Variants in PTPRD observed in about 807,000 individuals in gnomAD.
PTPRD encodes protein tyrosine phosphatase receptor type D.
In PTPRD, 34 loss-of-function variants were observed where a neutral mutation model predicts 214.5. The ratio of observed to expected loss-of-function variants is 0.16; its 90% CI spans 0.12 to 0.21. The LOEUF (loss-of-function observed/expected upper bound fraction) is 0.21. Among genes scored for constraint, PTPRD ranks in the 10% least tolerant of loss-of-function variants. The probability of loss-of-function intolerance (pLI) is 1.00; values close to 1 mark genes in which losing one functional copy is unlikely to be tolerated. For synonymous variants in PTPRD, 1,128 were observed against 845.7 expected (o/e 1.33, Z -5.79); for missense variants, 2,545 against 2,398.7 (o/e 1.06, Z -1.27).
chr9:9,675,991 G>A (rs183726577), intron 7 of PTPRD, among the ~76,000 whole-genome samples: 126 of 152,096 alleles, frequency 8.3e-4, no homozygotes, highest in African/African-American at 3.0e-3. Context: ...ACCACATATT[G>A]CAAGGGTTCT....
chr9:8,396,259 C>A (rs879269220), intron 36 of PTPRD, among the ~76,000 whole-genome samples: 3 of 152,062 alleles, frequency 2.0e-5, no homozygotes, highest in Non-Finnish European at 4.4e-5. Flanking sequence ...TTATGATTGA[C>A]GTAAAAATGG....
chr9:9,501,891 A>G (rs2096426729), intron 8 of PTPRD, among the ~76,000 whole-genome samples: 2 of 151,930 alleles, frequency 1.3e-5, no homozygotes, highest in African/African-American at 4.8e-5. Flanking sequence ...CAAAAACAAC[A>G]CAGAGAAAAC....
chr9:8,718,486 A>G (rs2098459604), intron 12 of PTPRD, among the ~76,000 whole-genome samples: 1 of 152,204 alleles, frequency 6.6e-6, no homozygotes, highest in African/African-American at 2.4e-5. Flanking sequence ...TTTCAGAAAT[A>G]GTAGTTCTCC....
At chr9:9,384,357 T>G (rs1333950063) in intron 9 of PTPRD, among the ~76,000 whole-genome samples, 9 of 59,428 alleles carry the variant, frequency 1.5e-4, no homozygotes, top group African/African-American at 6.7e-4. Context: ...TTTTTTTTTT[T>G]TTTTTTTTTT....
chr9:10,136,016 G>A (rs573944947), intron 3 of PTPRD, among the ~76,000 whole-genome samples: 1 of 150,786 alleles, frequency 6.6e-6, no homozygotes, highest in Non-Finnish European at 1.5e-5. Context: ...ACACCCACAG[G>A]CTGAAAGAAA....
chr9:9,490,555 T>C (rs1227115420), intron 8 of PTPRD, among the ~76,000 whole-genome samples: 3 of 152,000 alleles, frequency 2.0e-5, no homozygotes, highest in African/African-American at 4.8e-5. Flanking sequence ...ACACAATGTA[T>C]AAAAATGAAA....
At chr9:9,329,657 G>A (rs1400391940) in intron 9 of PTPRD, among the ~76,000 whole-genome samples, 1 of 152,134 alleles carries the variant, frequency 6.6e-6, no homozygotes, top group Non-Finnish European at 1.5e-5. Flanking sequence ...AGAGAATATA[G>A]AAGAATTACA....
intron 14 of PTPRD, among the ~76,000 whole-genome samples, chr9:8,544,679 AG>A (rs2079480083): frequency 2.0e-5 from 3 of 150,478 alleles, no homozygotes; most frequent in Admixed American, 2.0e-4. Context: ...CATGCTGGAC[AG>A]GCTGATCTGG....
At chr9:9,545,234 AC>A (rs1166928378) in intron 8 of PTPRD, among the ~76,000 whole-genome samples, 1 of 151,736 alleles carries the variant, frequency 6.6e-6, no homozygotes, top group African/African-American at 2.4e-5. Context: ...GTATAACGAC[AC>A]ACACTTGCCA....
At chr9:9,997,706 T>A (rs2096175908) in intron 4 of PTPRD, among the ~76,000 whole-genome samples, 1 of 152,186 alleles carries the variant, frequency 6.6e-6, no homozygotes, top group Non-Finnish European at 1.5e-5. Context: ...AACGTTTTTT[T>A]CTAGCAGAAA....
At chr9:10,507,418 T>C (rs1354248604) in intron 2 of PTPRD, among the ~76,000 whole-genome samples, 1 of 152,128 alleles carries the variant, frequency 6.6e-6, no homozygotes, top group African/African-American at 2.4e-5. Context: ...AAGCTACCAA[T>C]GACTTTCTTC....
At chr9:9,465,820 C>A (rs1405123135) in intron 8 of PTPRD, among the ~76,000 whole-genome samples, 1 of 151,908 alleles carries the variant, frequency 6.6e-6, no homozygotes, top group Admixed American at 6.6e-5. Flanking sequence ...CCATGGAAAT[C>A]AAGACAGAAT....
chr9:10,265,909 G>A (rs973537162), intron 3 of PTPRD, among the ~76,000 whole-genome samples: 12 of 151,932 alleles, frequency 7.9e-5, no homozygotes, highest in African/African-American at 9.7e-5. Context: ...TTTATGTCCC[G>A]CAAAAATATA....
chr9:10,481,273 T>C (rs1350188445), intron 2 of PTPRD, among the ~76,000 whole-genome samples: 4 of 152,180 alleles, frequency 2.6e-5, no homozygotes, highest in Non-Finnish European at 4.4e-5. Context: ...CATTCTAGTA[T>C]ACACTTGTGC....
At chr9:8,687,871 A>T (rs1344576723) in intron 12 of PTPRD, among the ~76,000 whole-genome samples, 1 of 152,184 alleles carries the variant, frequency 6.6e-6, no homozygotes, top group East Asian at 1.9e-4. Flanking sequence ...ATTTGATTTA[A>T]AATTGAGAGG....
intron 5 of PTPRD, among the ~76,000 whole-genome samples, chr9:9,880,326 G>C (rs1040373234): frequency 6.6e-6 from 1 of 152,094 alleles, no homozygotes; most frequent in African/African-American, 2.4e-5. Context: ...TATTTTTATA[G>C]CAGTGTGAGA....
chr9:9,973,898 T>C (rs529749928), intron 4 of PTPRD, among the ~76,000 whole-genome samples: 4 of 152,312 alleles, frequency 2.6e-5, no homozygotes, highest in Non-Finnish European at 1.5e-5. Flanking sequence ...TGTGAACTAA[T>C]GAAAAATTGA....
intron 3 of PTPRD, among the ~76,000 whole-genome samples, chr9:10,291,510 G>C (rs897642696): frequency 1.3e-5 from 2 of 152,056 alleles, no homozygotes; most frequent in African/African-American, 4.8e-5. Context: ...GTGGAGCAAA[G>C]GTAGATTTTA....
intron 3 of PTPRD, among the ~76,000 whole-genome samples, chr9:10,140,644 T>G (rs1730342465): frequency 6.6e-6 from 1 of 152,010 alleles, no homozygotes; most frequent in Admixed American, 6.6e-5. Context: ...ACCAGATGGA[T>G]TGACAGCCGA....
Sources: gnomAD v4.1 joint callset for allele counts (sites outside exome capture counted in the v4.1 genomes callset) on GRCh38, gnomAD v4.1.1 for gene constraint, MANE v1.5 for transcripts, NCBI Gene and HGNC (gene_info 2026-07-23, HGNC 2026-07-21) for gene names.